SLC25A13: variants seen among roughly 807,000 people sequenced by gnomAD.
SLC25A13 encodes the protein electrogenic aspartate/glutamate antiporter SLC25A13, mitochondrial.
Under a neutral mutation model 85.5 loss-of-function variants are expected in SLC25A13, and 70 were observed. The observed-to-expected ratio is 0.82, with a 90% CI of 0.68 to 1.00. The LOEUF (loss-of-function observed/expected upper bound fraction) is 1.00. Among genes scored for constraint, SLC25A13 ranks in the 50% least tolerant of loss-of-function variants. The probability of loss-of-function intolerance (pLI) is 0.00; values close to 1 mark genes in which losing one functional copy is unlikely to be tolerated. For missense variants in SLC25A13, 765 were observed against 819.8 expected, an observed-to-expected ratio of 0.93 and a Z score of 0.82; for synonymous variants, 259 against 288.7, an observed-to-expected ratio of 0.90 and a Z score of 1.04.
chr7:96,146,520 T>G (rs780158338), intron 14 of SLC25A13, 36 bp downstream of exon 14: 9 of 1,601,140 alleles, frequency 5.6e-6, no homozygotes, highest in Non-Finnish European at 6.8e-6. Context: ...GATGAGAAAG[T>G]AATCAAATAA....
chr7:96,269,950 C>T (rs1229463682), intron 3 of SLC25A13, among the ~76,000 whole-genome samples: 1 of 152,152 alleles, frequency 6.6e-6, no homozygotes. Context: ...GTTGCCAGGG[C>T]CTCCCTTGGG....
intron 3 of SLC25A13, among the ~76,000 whole-genome samples, chr7:96,238,405 T>TA (rs1554362810): frequency 6.6e-6 from 1 of 151,266 alleles, no homozygotes; most frequent in Non-Finnish European, 1.5e-5. Context: ...TTTTTTTTTT[T>TA]AAAGCTTCCC....
intron 4 of SLC25A13, among the ~76,000 whole-genome samples, chr7:96,229,069 G>A (rs1446819457): frequency 1.3e-5 from 2 of 152,198 alleles, no homozygotes; most frequent in African/African-American, 4.8e-5. Flanking sequence ...AGGTCCCACC[G>A]ACCACCCAAG....
rs1175104472 is a variant in SLC25A13, at chr7:96,171,531, A to C, written c.1178-7T>G. 1 of 1,609,932 alleles carries C rather than the reference A, an allele frequency of 6.2e-7. No individual in the cohort carries two copies. The highest frequency in any genetic ancestry group is 1.3e-5 in the African/African-American group (1 of 74,886). On this transcript the variant is annotated splice_polypyrimidine_tract_variant and splice_region_variant and intron_variant, in intron 11 of 17. Coordinates refer to ENST00000265631, the MANE Select transcript of SLC25A13 (RefSeq NM_014251.3). ...AATAACTGTGGCAACAGACCTAAAA[A>C]TCAACAAAAAGTAGAAGTATATTAA...
At chr7:96,173,112 T>TC (rs1794077146) in intron 11 of SLC25A13, among the ~76,000 whole-genome samples, 1 of 152,230 alleles carries the variant, frequency 6.6e-6, no homozygotes, top group Non-Finnish European at 1.5e-5. Flanking sequence ...TAAAATTTTT[T>TC]CTTTGCTCAT....
chr7:96,149,640 G>A (rs1016844808), intron 13 of SLC25A13, among the ~76,000 whole-genome samples: 1 of 152,190 alleles, frequency 6.6e-6, no homozygotes, highest in Non-Finnish European at 1.5e-5. Context: ...ACTCAAAGTG[G>A]CACATTGTAA....
intron 2 of SLC25A13, among the ~76,000 whole-genome samples, chr7:96,285,119 C>T (rs1798837490): frequency 6.6e-6 from 1 of 152,190 alleles, no homozygotes; most frequent in Non-Finnish European, 1.5e-5. Context: ...ATTCTTATTA[C>T]TGGCACCTCT....
intron 4 of SLC25A13, among the ~76,000 whole-genome samples, chr7:96,225,127 T>C (rs2116777090): frequency 6.6e-6 from 1 of 152,340 alleles, no homozygotes; most frequent in East Asian, 1.9e-4. Context: ...CTCATGAGAT[T>C]ATGTAAAACC....
In SLC25A13 at chr7:96,208,060, A is replaced by G. The variant is rs552198471; in HGVS notation, c.468+778T>C. Among the ~76,000 whole-genome samples, 9 of 152,330 alleles carry G rather than the reference A, an allele frequency of 5.9e-5. No individual in the cohort carries two copies. The East Asian group carries it at 1.7e-3, about 29-fold the overall frequency. ...AAGCTTCCAGGTGATTCCAACATGC[A>G]GCCAAGTTTGAGACTAGTGTCTTAT... On this transcript the variant is annotated intron_variant, in intron 5 of 17. Coordinates refer to ENST00000265631, the MANE Select transcript of SLC25A13 (RefSeq NM_014251.3).
At chr7:96,242,577 C>G (rs1797035622) in intron 3 of SLC25A13, among the ~76,000 whole-genome samples, 1 of 152,148 alleles carries the variant, frequency 6.6e-6, no homozygotes, top group African/African-American at 2.4e-5. Context: ...TATTCACAAT[C>G]TATTCCCTCT....
intron 3 of SLC25A13, among the ~76,000 whole-genome samples, chr7:96,255,982 A>G (rs4576359): frequency 0.59 from 89,952 of 151,932 alleles, 27,054 homozygotes; most frequent in Non-Finnish European, 0.64. Flanking sequence ...ACTAAGCTTC[A>G]TAAGTGAAGG....
At chr7:96,148,298 T>C (rs916500384) in intron 13 of SLC25A13, among the ~76,000 whole-genome samples, 2 of 152,192 alleles carry the variant, frequency 1.3e-5, no homozygotes, top group African/African-American at 4.8e-5. Context: ...CACAAAGACG[T>C]GCTGCTCCCC....
At chr7:96,281,435 G>C (rs1798674744) in intron 2 of SLC25A13, among the ~76,000 whole-genome samples, 1 of 150,040 alleles carries the variant, frequency 6.7e-6, no homozygotes, top group Non-Finnish European at 1.5e-5. Flanking sequence ...AACTACATAT[G>C]ACAACAGACG....
At chr7:96,247,410 G>A (rs1300639542) in intron 3 of SLC25A13, among the ~76,000 whole-genome samples, 4 of 152,102 alleles carry the variant, frequency 2.6e-5, no homozygotes, top group Admixed American at 2.6e-4. Flanking sequence ...AGAAATTTCT[G>A]ATGACGTAAG....
intron 2 of SLC25A13, among the ~76,000 whole-genome samples, chr7:96,283,076 T>C (rs1798750045): frequency 6.6e-6 from 1 of 152,204 alleles, no homozygotes; most frequent in Admixed American, 6.5e-5. Context: ...CAAGCCTTAA[T>C]ATGTTCTAAA....
chr7:96,189,752 A>C, intron 7 of SLC25A13, 78 bp from the exon 8 acceptor site: 1 of 1,130,674 alleles, frequency 8.8e-7, no homozygotes, highest in South Asian at 1.2e-5. Flanking sequence ...AAGGCACTGG[A>C]ATGAGTGAAC....
chr7:96,229,669 A>G (rs1445323218), intron 4 of SLC25A13, among the ~76,000 whole-genome samples: 3 of 151,276 alleles, frequency 2.0e-5, no homozygotes, highest in African/African-American at 7.3e-5. Flanking sequence ...GGTATGAACA[A>G]CTCTGGACGG....
chr7:96,321,913 G>T, intron 1 of SLC25A13, 29 bp downstream of exon 1: 1 of 1,525,234 alleles, frequency 6.6e-7, no homozygotes. Context: ...CGGCAGGCGC[G>T]CTCCCCCCGG....
intron 1 of SLC25A13, among the ~76,000 whole-genome samples, chr7:96,307,565 A>C (rs1450781016): frequency 6.6e-6 from 1 of 151,944 alleles, no homozygotes; most frequent in African/African-American, 2.4e-5. Flanking sequence ...CAAAAACAAA[A>C]ATTTAATTAA....
Sources: allele counts gnomAD v4.1 joint callset (sites outside exome capture counted in the v4.1 genomes callset), GRCh38; gene constraint gnomAD v4.1.1; transcripts MANE v1.5; gene names NCBI Gene and HGNC (gene_info 2026-07-23, HGNC 2026-07-21).